The following SYT1 variants were observed in gnomAD, a reference collection of about 807,000 sequenced individuals.
SYT1 encodes the protein synaptotagmin-1.
SYT1 carries 8 observed loss-of-function variants against 44.8 expected under a neutral mutation model. The observed-to-expected ratio is 0.18, with a 90% confidence interval of 0.10 to 0.32. The LOEUF (loss-of-function observed/expected upper bound fraction) is 0.32. Among genes scored for constraint, SYT1 ranks in the 10% least tolerant of loss-of-function variants. SYT1 has a pLI of 1.00. For synonymous variants in SYT1, 154 were observed against 188.8 expected, an observed-to-expected ratio of 0.82 and a Z score of 1.51; for missense variants, 286 against 509.3, an observed-to-expected ratio of 0.56 and a Z score of 4.22.
At chr12:79,131,978 G>A (rs766727290) in intron 3 of SYT1, among the ~76,000 whole-genome samples, 1 of 152,116 alleles carries the variant, frequency 6.6e-6, no homozygotes, top group Admixed American at 6.5e-5. Flanking sequence ...TAAGGATCAC[G>A]TTTTGTTTCT....
intron 3 of SYT1, among the ~76,000 whole-genome samples, chr12:79,059,580 C>T (rs1875223166): frequency 6.6e-6 from 1 of 152,004 alleles, no homozygotes; most frequent in Non-Finnish European, 1.5e-5. Context: ...TTTATCATAA[C>T]TCTGGATATA....
chr12:79,010,451 T>C (rs1453893954), intron 2 of SYT1, among the ~76,000 whole-genome samples: 1 of 152,154 alleles, frequency 6.6e-6, no homozygotes, highest in Admixed American at 6.6e-5. Flanking sequence ...CTGTTTGTAG[T>C]AGTATTTCCT....
chr12:79,295,941 G>T (rs1340347882), intron 6 of SYT1, 128 bp from the exon 7 acceptor site: 1 of 1,094,596 alleles, frequency 9.1e-7, no homozygotes, highest in East Asian at 2.7e-5. Context: ...ATTCATAAGA[G>T]AATCAGAGTT....
At chr12:79,411,033 T>C (rs1482869352) in intron 9 of SYT1, among the ~76,000 whole-genome samples, 1 of 152,160 alleles carries the variant, frequency 6.6e-6, no homozygotes, top group Non-Finnish European at 1.5e-5. Context: ...AAGCCCGAGA[T>C]TGGTTGAAGA....
intron 1 of SYT1, among the ~76,000 whole-genome samples, chr12:78,894,974 G>T (rs966114960): frequency 1.3e-5 from 2 of 151,436 alleles, no homozygotes; most frequent in South Asian, 4.1e-4. Flanking sequence ...GCTTGATTTA[G>T]CCATTCCACA....
intron 9 of SYT1, among the ~76,000 whole-genome samples, chr12:79,405,172 C>G (rs1452166071): frequency 6.6e-6 from 1 of 152,156 alleles, no homozygotes; most frequent in East Asian, 1.9e-4. Context: ...GATATCTGAT[C>G]TGGATTTGCT....
At chr12:78,976,111 A>G (rs1257935602) in intron 1 of SYT1, among the ~76,000 whole-genome samples, 1 of 152,158 alleles carries the variant, frequency 6.6e-6, no homozygotes, top group East Asian at 1.9e-4. Context: ...GCATATCCCA[A>G]ATTTACACCA....
intron 3 of SYT1, among the ~76,000 whole-genome samples, chr12:79,123,680 A>G (rs1250831263): frequency 6.6e-6 from 1 of 152,184 alleles, no homozygotes; most frequent in Non-Finnish European, 1.5e-5. Context: ...AGCATTTTAC[A>G]TTTCCTTAAT....
chr12:79,363,214 A>T (rs1225329145), intron 9 of SYT1, among the ~76,000 whole-genome samples: 1 of 152,164 alleles, frequency 6.6e-6, no homozygotes, highest in East Asian at 1.9e-4. Context: ...ATTTTTAAAA[A>T]TTATGTTTAG....
At chr12:79,333,868 C>T (rs1212722130) in intron 8 of SYT1, among the ~76,000 whole-genome samples, 1 of 152,096 alleles carries the variant, frequency 6.6e-6, no homozygotes, top group East Asian at 1.9e-4. Flanking sequence ...GTTTATGTAT[C>T]ATTTTTCAAA....
chr12:79,288,270 A>C (rs1431410920), intron 5 of SYT1, among the ~76,000 whole-genome samples: 1 of 152,122 alleles, frequency 6.6e-6, no homozygotes. Context: ...ATGAATACAA[A>C]TTAAAATTAT....
chr12:79,397,833 A>G (rs1245822249), intron 9 of SYT1, among the ~76,000 whole-genome samples: 1 of 152,228 alleles, frequency 6.6e-6, no homozygotes, highest in Non-Finnish European at 1.5e-5. Flanking sequence ...GTGAACTCCT[A>G]ATCCAAACAG....
At chr12:79,440,615 T>G (rs1017944640) in intron 9 of SYT1, among the ~76,000 whole-genome samples, 6 of 152,206 alleles carry the variant, frequency 3.9e-5, no homozygotes, top group African/African-American at 1.4e-4. Context: ...TCATTACATC[T>G]TATTTTATTA....
At chr12:79,290,204 TGAC>T (rs1267208475) in intron 5 of SYT1, among the ~76,000 whole-genome samples, 1 of 152,202 alleles carries the variant, frequency 6.6e-6, no homozygotes, top group African/African-American at 2.4e-5. Context: ...GAGGCATCAC[TGAC>T]AACAGCTCAA....
intron 2 of SYT1, among the ~76,000 whole-genome samples, chr12:79,026,798 T>G (rs1343290702): frequency 6.7e-6 from 1 of 150,122 alleles, no homozygotes; most frequent in African/African-American, 2.4e-5. Context: ...GAAGTGGAGA[T>G]ATCTCTTTGA....
chr12:78,983,036 T>C (rs1036895370), intron 2 of SYT1, among the ~76,000 whole-genome samples: 1 of 152,072 alleles, frequency 6.6e-6, no homozygotes, highest in African/African-American at 2.4e-5. Context: ...CACCAAAATC[T>C]TGTTTATTCA....
intron 1 of SYT1, among the ~76,000 whole-genome samples, chr12:78,928,367 A>T (rs1877422223): frequency 6.6e-6 from 1 of 152,178 alleles, no homozygotes; most frequent in African/African-American, 2.4e-5. Flanking sequence ...TTTATAGTGA[A>T]GTATGACAGC....
At chr12:79,307,607 G>A (rs1880461742) in intron 8 of SYT1, among the ~76,000 whole-genome samples, 1 of 149,862 alleles carries the variant, frequency 6.7e-6, no homozygotes, top group Non-Finnish European at 1.5e-5. Flanking sequence ...GGGGATGGTC[G>A]GAAGGGCTGG....
chr12:79,376,010 TATAC>T (rs1310826535), intron 9 of SYT1, among the ~76,000 whole-genome samples: 1 of 152,232 alleles, frequency 6.6e-6, no homozygotes, highest in Non-Finnish European at 1.5e-5. Flanking sequence ...TAATCATTTC[TATAC>T]ATCTATCTTA....
Sources: allele counts gnomAD v4.1 joint callset (sites outside exome capture counted in the v4.1 genomes callset), GRCh38; gene constraint gnomAD v4.1.1; transcripts MANE v1.5; gene names NCBI Gene and HGNC (gene_info 2026-07-23, HGNC 2026-07-21).